Variants in TBP observed in about 807,000 individuals in gnomAD.
TBP encodes the protein TATA-box-binding protein.
Under a neutral mutation model 46.2 loss-of-function variants are expected in TBP, and 12 were observed. That is an observed-to-expected ratio of 0.26 (90% CI 0.17 to 0.42). The LOEUF is 0.42. TBP is among the 10% of genes least tolerant of loss of function. The probability of loss-of-function intolerance (pLI) is 1.00; values close to 1 mark genes in which losing one functional copy is unlikely to be tolerated. For missense variants in TBP, 229 were observed against 403.1 expected (o/e 0.57, Z 3.70); for synonymous variants, 157 against 148.3 (o/e 1.06, Z -0.42).
intron 5 of TBP, among the ~76,000 whole-genome samples, chr6:170,568,645 G>A (rs1779310508): frequency 6.6e-6 from 1 of 151,210 alleles, no homozygotes; most frequent in South Asian, 2.1e-4. Flanking sequence ...AGTAGAGATG[G>A]GGTTTCACTG....
intron 1 of TBP, among the ~76,000 whole-genome samples, chr6:170,556,626 G>A (rs1779034087): frequency 6.6e-6 from 1 of 152,250 alleles, no homozygotes; most frequent in African/African-American, 2.4e-5. Context: ...TGCTGGTTAT[G>A]ACAGCTCGAT....
At chr6:170,562,361 T>G (rs1490783335) in intron 3 of TBP, 128 bp downstream of exon 3, 9 of 1,105,510 alleles carry the variant, frequency 8.1e-6, no homozygotes, top group African/African-American at 1.6e-5. Context: ...GTATCAAAAT[T>G]TGCTTTATCT....
rs1312590130 is a variant in TBP, at chr6:170,564,556, C to A, written c.509C>A (p.Ser170Tyr). 6.2e-7 allele frequency: 1 copy of A among 1,604,980 alleles called. No homozygotes were observed. ...TAAATCTCTTACAGAAATATTGTAT[C>A]CACAGTGAATCTTGGTTGTAAACTT... is the stretch of plus-strand genomic sequence containing the variant. The part of the protein sequence containing the change: ...GIVPQLQNIV[S>Y]TVNLGCKLDL... The change falls in exon 4 of 8, where the codon TCC becomes TAC. Residue 170 changes from serine (S) to tyrosine (Y), a missense_variant. Transcript: ENST00000392092.
At chr6:170,558,545 C>A (rs1779076580) in intron 2 of TBP, among the ~76,000 whole-genome samples, 1 of 152,166 alleles carries the variant, frequency 6.6e-6, no homozygotes, top group Non-Finnish European at 1.5e-5. Context: ...TTGTGGTAAA[C>A]CTGTACCCAG....
chr6:170,565,285 G>T (rs531401952), intron 4 of TBP, among the ~76,000 whole-genome samples: 1 of 152,278 alleles, frequency 6.6e-6, no homozygotes, highest in Non-Finnish European at 1.5e-5. Context: ...AGAATCCCTG[G>T]GAGTACAGCA....
chr6:170,566,385 C>T (rs969922132), intron 4 of TBP, among the ~76,000 whole-genome samples: 1 of 152,110 alleles, frequency 6.6e-6, no homozygotes, highest in Non-Finnish European at 1.5e-5. Context: ...TCCTAATTTG[C>T]ATTTATGTGT....
chr6:170,572,085 T>G, intron 7 of TBP, 101 bp from the exon 8 acceptor site: 3 of 885,804 alleles, frequency 3.4e-6, no homozygotes, highest in Non-Finnish European at 5.7e-6. Flanking sequence ...CTGGGTATGG[T>G]GAGAATTGTG....
chr6:170,568,163 A>C (rs532757298), intron 5 of TBP, among the ~76,000 whole-genome samples: 9 of 152,180 alleles, frequency 5.9e-5, no homozygotes, highest in African/African-American at 1.9e-4. Flanking sequence ...TGCAGTAGTA[A>C]CCTCTTTAAT....
intron 6 of TBP, among the ~76,000 whole-genome samples, chr6:170,571,090 A>G (rs1779357964): frequency 6.6e-6 from 1 of 152,196 alleles, no homozygotes; most frequent in Non-Finnish European, 1.5e-5. Context: ...TGCATTAGAT[A>G]TCATTATATC....
In TBP at chr6:170,558,188, A is replaced by G. The variant is rs533796802; in HGVS notation, c.54+1105A>G. On this transcript the variant is annotated intron_variant, in intron 2 of 7. Transcript: ENST00000392092. Reference sequence around the variant, plus strand: ...AAACATTTGTGTAGACTTTGAATGCACTGTTTTTACTTCTCATGGGTAAAT... The same window carrying G: ...AAACATTTGTGTAGACTTTGAATGCGCTGTTTTTACTTCTCATGGGTAAAT... Among the ~76,000 whole-genome samples the G allele has an allele frequency of 8.5e-5, 13 of 152,312 alleles. No individual in the cohort carries two copies. The South Asian group carries it at 2.5e-3, about 29-fold the overall frequency.
At chr6:170,570,805 C>A (rs944517355) in intron 6 of TBP, among the ~76,000 whole-genome samples, 1 of 151,990 alleles carries the variant, frequency 6.6e-6, no homozygotes, top group Non-Finnish European at 1.5e-5. Flanking sequence ...TGTACTCCAG[C>A]CTGGGCGACA....
At chr6:170,558,181 T>C (rs1050614328) in intron 2 of TBP, among the ~76,000 whole-genome samples, 1 of 152,222 alleles carries the variant, frequency 6.6e-6, no homozygotes, top group African/African-American at 2.4e-5. Context: ...GTGTAGACTT[T>C]GAATGCACTG....
intron 2 of TBP, among the ~76,000 whole-genome samples, 164 bp from the exon 3 acceptor site, chr6:170,561,627 A>T (rs973250980): frequency 6.6e-5 from 10 of 152,234 alleles, no homozygotes; most frequent in African/African-American, 2.4e-4. Context: ...AGAAGAAAGC[A>T]ATGTGTATAA....
In TBP at chr6:170,569,816, A is replaced by T. The variant is rs1347592186; in HGVS notation, c.845+37A>T. ...ATGTATTATGATTGTTATTGGCAACAGTTCATTTATAATCTAAACATTGTT... is the reference window on the plus strand; with the variant it reads ...ATGTATTATGATTGTTATTGGCAACTGTTCATTTATAATCTAAACATTGTT... On this transcript the variant is annotated intron_variant, in intron 6 of 7. Transcript: ENST00000392092. 3 of 1,578,212 alleles carry T rather than the reference A, an allele frequency of 1.9e-6. No homozygotes were observed. In the East Asian group the frequency reaches 6.7e-5, roughly 35 times the overall value.
Position 170,556,881 on chromosome 6 carries a change from G to C in TBP, c.-148-1G>C. On this transcript the variant is annotated splice_acceptor_variant, in intron 1 of 7. Transcript: ENST00000392092. LOFTEE classifies it low-confidence loss of function (5UTR_SPLICE). ...AAACTTTAGACTTTTTTCCAAAGCAGCATCACTGTTTCTTGGCGTGTGAAG... is the reference window on the plus strand; with the variant it reads ...AAACTTTAGACTTTTTTCCAAAGCACCATCACTGTTTCTTGGCGTGTGAAG... 1 of 744,416 alleles carries C rather than the reference G, an allele frequency of 1.3e-6. No homozygotes were observed. The highest frequency in any genetic ancestry group is 2.3e-6 in the Non-Finnish European group (1 of 434,122). The allele number at this position is 744,416 out of a possible 1,614,324, so 46.1% of individuals were successfully genotyped here. A position where few individuals can be genotyped will look rare whatever the true frequency, so the allele number is the denominator to read the frequency against.
At chr6:170,561,647 G>A (rs1335900820) in intron 2 of TBP, 144 bp from the exon 3 acceptor site, 4 of 1,450,194 alleles carry the variant, frequency 2.8e-6, no homozygotes, top group South Asian at 2.8e-5. Flanking sequence ...AGAATAGCTG[G>A]TTCTTCCGTA....
intron 5 of TBP, among the ~76,000 whole-genome samples, chr6:170,568,784 C>CT (rs1441753918): frequency 2.1e-5 from 2 of 96,898 alleles, no homozygotes; most frequent in African/African-American, 7.9e-5. Flanking sequence ...TTTATTTTTT[C>CT]TTTTTTTCTC....
chr6:170,568,030 T>C (rs1222578515), intron 5 of TBP, among the ~76,000 whole-genome samples: 1 of 152,248 alleles, frequency 6.6e-6, no homozygotes, highest in African/African-American at 2.4e-5. Flanking sequence ...TTCTGAAGTT[T>C]GAAATTGTCT....
At chr6:170,567,086 A>G (rs1024871705) in intron 5 of TBP, 77 bp downstream of exon 5, 61 of 1,117,472 alleles carry the variant, frequency 5.5e-5, no homozygotes, top group Admixed American at 1.4e-4. Context: ...TTAGGTTATT[A>G]GGTTAGCACT....
Sources: gnomAD v4.1 joint callset for allele counts (sites outside exome capture counted in the v4.1 genomes callset) on GRCh38, gnomAD v4.1.1 for gene constraint, MANE v1.5 for transcripts, NCBI Gene and HGNC (gene_info 2026-07-23, HGNC 2026-07-21) for gene names.